Variants in ZRANB3 observed in about 807,000 individuals in gnomAD.
ZRANB3 encodes DNA annealing helicase and endonuclease ZRANB3.
In ZRANB3, 125 loss-of-function variants were observed where a neutral mutation model predicts 133.8. The observed-to-expected ratio is 0.93, with a 90% CI of 0.81 to 1.08. The LOEUF is 1.08. Ranked by LOEUF, ZRANB3 falls within the 50% of genes least tolerant of loss-of-function variation. The pLI is 0.00. For synonymous variants in ZRANB3, 387 were observed against 432.7 expected (o/e 0.89, Z 1.31); for missense variants, 1,229 against 1,275.5 (o/e 0.96, Z 0.56).
chr2:135,496,059 G>A (rs1449095005), intron 2 of ZRANB3, among the ~76,000 whole-genome samples: 1 of 152,090 alleles, frequency 6.6e-6, no homozygotes, highest in Non-Finnish European at 1.5e-5. Context: ...ATCCTCCATT[G>A]AAGAATTTAC....
intron 8 of ZRANB3, among the ~76,000 whole-genome samples, chr2:135,295,927 C>A (rs898293634): frequency 1.3e-5 from 2 of 152,158 alleles, no homozygotes; most frequent in African/African-American, 4.8e-5. Flanking sequence ...CTGGCTTGTA[C>A]AGTTTCTGCT....
At chr2:135,491,790 C>T (rs1692389961) in intron 2 of ZRANB3, among the ~76,000 whole-genome samples, 1 of 152,150 alleles carries the variant, frequency 6.6e-6, no homozygotes, top group Non-Finnish European at 1.5e-5. Flanking sequence ...GCTGGGATTA[C>T]AGGTGTGAGC....
chr2:135,230,854 G>A lies in ZRANB3; in HGVS notation c.1613C>T (p.Ser538Phe). The change falls in exon 13 of 21, where the codon TCC becomes TTC. Residue 538 changes from serine (S) to phenylalanine (F), a missense_variant. Ser to Phe is a radical substitution (Grantham distance 155). Transcript: ENST00000264159. ...PQPKKRQLMT[S>F]CDESKRFREE... Reference sequence around the variant, plus strand: ...CCGGAATCTCTTTGATTCGTCACAGGAGGTCATCAACTGTCTTTTTTTAGG... The same window carrying A: ...CCGGAATCTCTTTGATTCGTCACAGAAGGTCATCAACTGTCTTTTTTTAGG... 6.2e-7 allele frequency: 1 copy of A among 1,609,508 alleles called. No homozygotes were observed. The highest frequency in any genetic ancestry group is 1.7e-4 in the Middle Eastern group (1 of 6,030).
rs1432287784 is a variant in ZRANB3, at chr2:135,303,783, AATCT to A, written c.966+9702_966+9705del. 1.4e-4 allele frequency among the ~76,000 whole-genome samples: 22 copies of A among 152,330 alleles called. 1 individual carries two copies. Among genetic ancestry groups the A allele is most frequent in the African/African-American group, 4.8e-4 (20 of 41,584 alleles). On this transcript the variant is annotated intron_variant, in intron 8 of 20. Transcript: ENST00000264159. ...ATTGACTCTTCTGATTCATGAACAT[AATCT>A]ATCTGTTGTTTATTTAAATTTGCTT...
intron 3 of ZRANB3, among the ~76,000 whole-genome samples, chr2:135,374,501 C>T (rs1178263942): frequency 2.1e-5 from 3 of 140,048 alleles, no homozygotes; most frequent in Non-Finnish European, 4.7e-5. Context: ...TAAAACATAT[C>T]TTTTTTTTTT....
intron 6 of ZRANB3, among the ~76,000 whole-genome samples, chr2:135,328,371 G>A (rs537333697): frequency 5.6e-4 from 85 of 152,106 alleles, no homozygotes; most frequent in Admixed American, 4.1e-3. Context: ...TTTCATCCAC[G>A]TCGCTGCAAA....
chr2:135,400,004 G>A (rs1300972048), intron 2 of ZRANB3, among the ~76,000 whole-genome samples: 1 of 152,168 alleles, frequency 6.6e-6, no homozygotes, highest in Non-Finnish European at 1.5e-5. Flanking sequence ...CAATTTGGAA[G>A]GCCAAGGCAG....
In ZRANB3 at chr2:135,197,268, A is replaced by G. The variant is rs1028452527; in HGVS notation, c.*3074T>C. On this transcript the variant is annotated 3_prime_UTR_variant, in exon 21 of 21. Coordinates refer to ENST00000264159, the MANE Select transcript of ZRANB3 (RefSeq NM_032143.4). ...TTTGATATCCATGATTCTGTATCCT[A>G]TGAGTAAACACAACCTATTTACTGT... 1 of 152,182 alleles carries G rather than the reference A, an allele frequency of 6.6e-6. No homozygotes were observed. The highest frequency in any genetic ancestry group is 2.1e-4 in the South Asian group (1 of 4,774). 9.4% of individuals were successfully genotyped at this position (152,182 alleles called of 1,614,324 possible). A position where few individuals can be genotyped will look rare whatever the true frequency, so the allele number is the denominator to read the frequency against.
chr2:135,370,944 C>T lies in ZRANB3; in HGVS notation c.181-17316G>A, dbSNP rs1480419195. ...GCATCTGGCATTTCCCCTGCTTGCACTCATTCTCTCTCTCCTGCCACCCTG... is the reference window on the plus strand; with the variant it reads ...GCATCTGGCATTTCCCCTGCTTGCATTCATTCTCTCTCTCCTGCCACCCTG... On this transcript the variant is annotated intron_variant, in intron 3 of 20. Coordinates refer to ENST00000264159, the MANE Select transcript of ZRANB3 (RefSeq NM_032143.4). 3.3e-5 allele frequency among the ~76,000 whole-genome samples: 5 copies of T among 152,332 alleles called. No homozygotes were observed. The East Asian group carries it at 9.6e-4, about 29-fold the overall frequency.
rs1385382795 is a variant in ZRANB3 at position 135,350,205 on chromosome 2, T to C, written c.370A>G (p.Thr124Ala). Residue 124 changes from threonine (T) to alanine (A), a missense_variant, in exon 5 of 21, where the codon ACC (threonine) becomes GCC (alanine). By Grantham distance (58) the Thr-to-Ala change is moderately conservative. Coordinates refer to ENST00000264159, the MANE Select transcript of ZRANB3 (RefSeq NM_032143.4). Reference protein sequence around the residue: ...QNKTDVRRMSTSKVTVLGYGL... With the variant: ...QNKTDVRRMSASKVTVLGYGL... ...TAACCCAGAACTGTCACTTTACTGG[T>C]CGACATTCTCCTAGAAAAGAAAATC... is the stretch of plus-strand genomic sequence containing the variant. 2.5e-6 allele frequency: 4 copies of C among 1,586,610 alleles called. No homozygotes were observed. The East Asian group carries it at 6.8e-5, about 27-fold the overall frequency.
intron 3 of ZRANB3, among the ~76,000 whole-genome samples, chr2:135,379,243 G>A (rs1409444072): frequency 6.6e-6 from 1 of 152,210 alleles, no homozygotes; most frequent in Non-Finnish European, 1.5e-5. Context: ...AAACAAGGAA[G>A]TAAGCAGGCA....
chr2:135,403,818 C>T (rs562811126), intron 2 of ZRANB3, among the ~76,000 whole-genome samples: 6 of 152,324 alleles, frequency 3.9e-5, no homozygotes, highest in East Asian at 1.9e-4. Context: ...CTGCAGCCTC[C>T]GCTGCTGATG....
intron 2 of ZRANB3, among the ~76,000 whole-genome samples, chr2:135,450,763 G>C (rs1051908442): frequency 1.3e-5 from 2 of 152,222 alleles, no homozygotes; most frequent in Non-Finnish European, 2.9e-5. Flanking sequence ...TAAGCCTAGA[G>C]AAGAGCTTTC....
chr2:135,350,279 ACTCTCTTGGG>A, intron 4 of ZRANB3, 64 bp from the exon 5 acceptor site: 2 of 1,225,176 alleles, frequency 1.6e-6, no homozygotes, highest in Admixed American at 2.3e-5. Flanking sequence ...GAACAATACA[ACTCTCTTGGG>A]AAAAAATACA....
chr2:135,504,522 G>C (rs749933544), intron 1 of ZRANB3, 26 bp from the exon 2 acceptor site: 2 of 1,589,102 alleles, frequency 1.3e-6, no homozygotes. Context: ...CAACAAAAAA[G>C]GGAGGGGTAT....
At chr2:135,394,710 T>A (rs540932182) in intron 2 of ZRANB3, among the ~76,000 whole-genome samples, 7 of 152,224 alleles carry the variant, frequency 4.6e-5, no homozygotes, top group African/African-American at 1.7e-4. Flanking sequence ...TAGTAAATTT[T>A]ACATTGTGTT....
chr2:135,272,829 C>T (rs1313516410), intron 9 of ZRANB3, among the ~76,000 whole-genome samples: 1 of 152,010 alleles, frequency 6.6e-6, no homozygotes, highest in Non-Finnish European at 1.5e-5. Context: ...ACATTGTTGT[C>T]TTTAAGAATG....
In ZRANB3 at chr2:135,291,163, G is replaced by A. The variant is rs142033376; in HGVS notation, c.967-15408C>T. 2.2e-3 allele frequency among the ~76,000 whole-genome samples: 326 copies of A among 149,630 alleles called. 3 individuals carry two copies. The highest frequency in any genetic ancestry group is 7.8e-3 in the African/African-American group (316 of 40,570). Reference sequence around the variant, plus strand: ...AGGCGTGAGCCACTGCGCCTGGCCCGGGAACACCAATTATTCTTAATTCTT... The same window carrying A: ...AGGCGTGAGCCACTGCGCCTGGCCCAGGAACACCAATTATTCTTAATTCTT... On this transcript the variant is annotated intron_variant, in intron 8 of 20. Coordinates refer to ENST00000264159, the MANE Select transcript of ZRANB3 (RefSeq NM_032143.4).
At chr2:135,478,138 A>G (rs1485532670) in intron 2 of ZRANB3, among the ~76,000 whole-genome samples, 1 of 152,164 alleles carries the variant, frequency 6.6e-6, no homozygotes, top group Non-Finnish European at 1.5e-5. Flanking sequence ...AACTATTTCG[A>G]TAGTGTCTAT....
Sources: gnomAD v4.1 joint callset for allele counts (sites outside exome capture counted in the v4.1 genomes callset) on GRCh38, gnomAD v4.1.1 for gene constraint, MANE v1.5 for transcripts, NCBI Gene and HGNC (gene_info 2026-07-23, HGNC 2026-07-21) for gene names.